NHSL2: variants seen among roughly 807,000 people sequenced by gnomAD.
The protein encoded by NHSL2 is NHS like 2.
A neutral mutation model predicts 53.4 loss-of-function variants in NHSL2; 27 were observed. That is an observed-to-expected ratio of 0.51 (90% CI 0.37 to 0.70). The LOEUF (loss-of-function observed/expected upper bound fraction) is 0.70, where lower values mean the gene tolerates loss of function less well. Among genes scored for constraint, NHSL2 ranks in the 30% least tolerant of loss-of-function variants. The probability of loss-of-function intolerance (pLI) is 0.00; values close to 1 mark genes in which losing one functional copy is unlikely to be tolerated. For synonymous variants in NHSL2, 408 were observed against 404.1 expected (o/e 1.01, Z -0.12); for missense variants, 892 against 980.1 (o/e 0.91, Z 1.20).
intron 1 of NHSL2, among the ~76,000 whole-genome samples, chrX:72,018,968 G>A (rs1333276712): frequency 8.8e-6 from 1 of 113,092 alleles, no homozygotes; most frequent in Non-Finnish European, 1.9e-5. Context: ...AGAGTGATGG[G>A]GCCGACACGG....
intron 1 of NHSL2, among the ~76,000 whole-genome samples, chrX:71,938,895 G>GTCTCT (rs1474553471): frequency 1.8e-5 from 2 of 112,782 alleles, no homozygotes; most frequent in African/African-American, 6.4e-5. Context: ...TGAACAGAGA[G>GTCTCT]GGCTTTGATA....
intron 1 of NHSL2, among the ~76,000 whole-genome samples, chrX:71,982,425 G>A (rs1477560343): frequency 3.6e-5 from 4 of 111,777 alleles, no homozygotes; most frequent in Non-Finnish European, 7.5e-5. Flanking sequence ...ATACAACTCC[G>A]AAAATCCTTG....
chrX:72,130,166 C>T (rs1455064112), intron 1 of NHSL2: 2 of 1,210,802 alleles, frequency 1.7e-6, no homozygotes, highest in Non-Finnish European at 2.2e-6. Flanking sequence ...TCATCTTGGG[C>T]CTCATCCAGT....
intron 1 of NHSL2, among the ~76,000 whole-genome samples, chrX:71,968,785 T>C (rs924799550): frequency 8.9e-6 from 1 of 112,474 alleles, no homozygotes; most frequent in East Asian, 2.8e-4. Flanking sequence ...AAAAAGACTT[T>C]TCTTTCCCCA....
At chrX:72,040,517 G>A (rs2042268291) in intron 1 of NHSL2, among the ~76,000 whole-genome samples, 1 of 112,153 alleles carries the variant, frequency 8.9e-6, no homozygotes, top group Non-Finnish European at 1.9e-5. Flanking sequence ...GAGCTAGGAT[G>A]TGCTGGAGGC....
chrX:72,094,413 A>T (rs1243439701), intron 1 of NHSL2, among the ~76,000 whole-genome samples: 1 of 111,898 alleles, frequency 8.9e-6, no homozygotes, highest in African/African-American at 3.3e-5. Flanking sequence ...GCTTTGACTC[A>T]AGCTGTAGTA....
At position 72,143,463 on chromosome X, in the gene NHSL2, A is replaced by G. The variant is rs140433115; in HGVS notation, c.3567A>G (p.Pro1189=). The change falls in exon 8 of 8, where the codon CCA becomes CCG. Residue 1189 remains proline (P), a synonymous_variant. Transcript: ENST00000633930. ...LLQKKGSKAT[P]RSRPSAAELL... ...AGAAGAAGGGAAGTAAGGCAACTCC[A>G]AGGTCTCGTCCCTCAGCAGCTGAAC... is the stretch of plus-strand genomic sequence containing the variant. The G allele has an allele frequency of 8.6e-7, 1 of 1,166,243 alleles. No individual in the cohort carries two copies. Among genetic ancestry groups the G allele is most frequent in the Non-Finnish European group, 1.1e-6 (1 of 871,594 alleles).
At chrX:72,129,193 G>A (rs2042257710) in intron 1 of NHSL2, 1 of 113,323 alleles carries the variant, frequency 8.8e-6, no homozygotes, top group South Asian at 3.6e-4. Context: ...TCTCCGTCAA[G>A]TTGTCCATTT....
At chrX:71,959,822 G>A (rs2147848117) in intron 1 of NHSL2, among the ~76,000 whole-genome samples, 1 of 111,152 alleles carries the variant, frequency 9.0e-6, no homozygotes, top group South Asian at 3.8e-4. Flanking sequence ...TTTTTTTTGT[G>A]GAAAGATATT....
At chrX:71,971,704 T>C (rs763783846) in intron 1 of NHSL2, among the ~76,000 whole-genome samples, 71 of 112,422 alleles carry the variant, frequency 6.3e-4, no homozygotes, top group Non-Finnish European at 1.0e-3. Context: ...ATTATTCTTA[T>C]ATCATTACCT....
intron 1 of NHSL2, among the ~76,000 whole-genome samples, chrX:72,036,463 T>A (rs769640676): frequency 8.9e-6 from 1 of 112,528 alleles, no homozygotes; most frequent in South Asian, 3.6e-4. Context: ...TGTCATGAAT[T>A]TCTTCGGGTT....
chrX:72,138,272 G>A (rs1188164980), intron 5 of NHSL2, among the ~76,000 whole-genome samples, 169 bp from the exon 6 acceptor site: 2 of 112,309 alleles, frequency 1.8e-5, no homozygotes, highest in East Asian at 5.6e-4. Flanking sequence ...GGGGTGATGG[G>A]CAAGGACCCA....
At position 71,911,189 on chromosome X, in the gene NHSL2, C is replaced by A; in HGVS notation, c.102C>A (p.Leu34=). ...GCGACGTGAGCCACCTGGCAGCGCT[C>A]AGCCTGCTCCGGCAGCTCGCCGACC... is the stretch of plus-strand genomic sequence containing the variant. The part of the protein sequence containing the change: ...ELRDVSHLAA[L]SLLRQLADLC... The change falls in exon 1 of 8, where the codon CTC becomes CTA. Residue 34 remains leucine, a synonymous_variant. Coordinates refer to ENST00000633930, the MANE Select transcript of NHSL2 (RefSeq NM_001013627.3). 2 of 1,145,340 alleles carry A rather than the reference C, an allele frequency of 1.7e-6. No individual in the cohort carries two copies. Among genetic ancestry groups the A allele is most frequent in the Non-Finnish European group, 2.3e-6 (2 of 867,642 alleles). 94.4% of individuals were successfully genotyped at this position (1,145,340 alleles called of 1,213,427 possible). A position where few individuals can be genotyped will look rare whatever the true frequency, so the allele number is the denominator to read the frequency against.
chrX:72,097,117 A>C (rs936140776), intron 1 of NHSL2, among the ~76,000 whole-genome samples: 6 of 112,212 alleles, frequency 5.3e-5, no homozygotes, highest in African/African-American at 1.9e-4. Context: ...AGTCTAGGTG[A>C]TCTCTTCTGG....
intron 1 of NHSL2, among the ~76,000 whole-genome samples, chrX:72,051,859 C>T (rs2042342363): frequency 8.9e-6 from 1 of 111,889 alleles, no homozygotes; most frequent in South Asian, 3.7e-4. Flanking sequence ...TCTCAGTGTT[C>T]ACTTCCACCT....
At chrX:71,937,419 A>T (rs924826558) in intron 1 of NHSL2, among the ~76,000 whole-genome samples, 3 of 111,811 alleles carry the variant, frequency 2.7e-5, no homozygotes, top group African/African-American at 6.5e-5. Flanking sequence ...TGTGTCCTTG[A>T]ATGGACAGGT....
intron 1 of NHSL2, among the ~76,000 whole-genome samples, chrX:71,944,785 A>G (rs887671670): frequency 3.6e-5 from 4 of 112,299 alleles, no homozygotes; most frequent in Non-Finnish European, 5.6e-5. Flanking sequence ...GAAATTTCCA[A>G]AATCACATTG....
chrX:72,135,880 C>CA (rs1345840338), intron 4 of NHSL2, among the ~76,000 whole-genome samples: 1 of 110,847 alleles, frequency 9.0e-6, no homozygotes, highest in Non-Finnish European at 1.9e-5. Context: ...ACCAAAAATA[C>CA]AAAAAAATAG....
Position 72,138,709 on chromosome X carries a change from C to T in NHSL2, c.1161C>T (p.Thr387=). The T allele has an allele frequency of 2.5e-6, 3 of 1,204,105 alleles. No homozygotes were observed. Among genetic ancestry groups the T allele is most frequent in the Non-Finnish European group, 3.4e-6 (3 of 891,173 alleles). The part of the protein sequence containing the change: ...PSSCNGPTES[T]FSTSWKGDAF... ...CTTGCAATGGACCTACAGAATCAAC[C>T]TTCTCCACTTCCTGGAAGGGAGATG... Residue 387 remains threonine (T), a synonymous_variant, in exon 6 of 8, where the codon ACC becomes ACT. Transcript: ENST00000633930.
Sources: gnomAD v4.1 joint callset for allele counts (sites outside exome capture counted in the v4.1 genomes callset) on GRCh38, gnomAD v4.1.1 for gene constraint, MANE v1.5 for transcripts, NCBI Gene and HGNC (gene_info 2026-07-23, HGNC 2026-07-21) for gene names.